Variants in SLAMF6 observed in about 807,000 individuals in gnomAD.
SLAMF6 encodes the protein SLAM family member 6.
A neutral mutation model predicts 38.3 loss-of-function variants in SLAMF6; 21 were observed. That is an observed-to-expected ratio of 0.55 (90% confidence interval 0.39 to 0.79). The LOEUF is 0.79. SLAMF6 is among the 30% of genes least tolerant of loss of function. The probability of loss-of-function intolerance (pLI) is 0.00; values close to 1 mark genes in which losing one functional copy is unlikely to be tolerated. For synonymous variants in SLAMF6, 152 were observed against 146.3 expected, an observed-to-expected ratio of 1.04 and a Z score of -0.28; for missense variants, 341 against 385.3, an observed-to-expected ratio of 0.89 and a Z score of 0.96.
At chr1:160,521,670 T>A (rs1011151437) in intron 1 of SLAMF6, among the ~76,000 whole-genome samples, 2 of 152,142 alleles carry the variant, frequency 1.3e-5, no homozygotes, top group East Asian at 1.9e-4. Context: ...TAGCCTCAGC[T>A]CTACCCCTAG....
At chr1:160,501,459 G>T (rs56027103) in intron 1 of SLAMF6, among the ~76,000 whole-genome samples, 5,948 of 152,180 alleles carry the variant, frequency 0.039, 414 homozygotes, top group African/African-American at 0.14. Context: ...CTTGAGGTCA[G>T]GGATTCTGAT....
chr1:160,497,381 G>A (rs1462132204), intron 1 of SLAMF6, among the ~76,000 whole-genome samples: 2 of 152,090 alleles, frequency 1.3e-5, no homozygotes, highest in Non-Finnish European at 2.9e-5. Flanking sequence ...GCCTTAATTA[G>A]CCTTGCATGT....
Position 160,489,101 on chromosome 1 carries a change from G to A in SLAMF6, c.866C>T (p.Thr289Ile), listed in dbSNP as rs956928638. 2 of 1,613,644 alleles carry A rather than the reference G, an allele frequency of 1.2e-6. No individual in the cohort carries two copies. The highest frequency in any genetic ancestry group is 1.7e-6 in the Non-Finnish European group (2 of 1,179,608). Reference sequence around the variant, plus strand: ...GAAAAGACTCACCCTGTTTGAATGAGTGACTGAAGCATACACAGTGTTGTT... The same window carrying A: ...GAAAAGACTCACCCTGTTTGAATGAATGACTGAAGCATACACAGTGTTGTT... ...PTNNTVYASV[T>I]HSNRETEIWT... The change falls in exon 6 of 8, where the codon ACT becomes ATT. Residue 289 changes from threonine to isoleucine, a missense_variant. Coordinates refer to ENST00000368057, the MANE Select transcript of SLAMF6 (RefSeq NM_001184714.2).
chr1:160,490,337 A>G (rs41266907), intron 4 of SLAMF6, 101 bp from the exon 5 acceptor site: 53,799 of 1,560,814 alleles, frequency 0.034, 1,102 homozygotes, highest in Admixed American at 0.082. Flanking sequence ...GGGGACCCAA[A>G]AGGAAGGGCA....
Position 160,486,707 on chromosome 1 carries a change from T to G in SLAMF6, c.999A>C (p.Ter333TyrextTer18). 1 of 1,613,760 alleles carries G rather than the reference T, an allele frequency of 6.2e-7. No individual in the cohort carries two copies. Among genetic ancestry groups the G allele is most frequent in the Non-Finnish European group, 8.5e-7 (1 of 1,179,764 alleles). Residue 333 changes from the stop codon to tyrosine, a stop_lost, in exon 8 of 8, where the codon TAA becomes TAC. Transcript: ENST00000368057. ...SRATALDNVV[*>Y] The stretch of plus-strand genomic sequence containing the variant: ...AATTCCTCTGAGGCCTTTCAGCAAC[T>G]TACACGACATTGTCAAGGGCAGTTG...
chr1:160,508,595 A>T (rs2102053063), intron 1 of SLAMF6, among the ~76,000 whole-genome samples: 1 of 152,326 alleles, frequency 6.6e-6, no homozygotes, highest in East Asian at 1.9e-4. Context: ...GGATATAGGT[A>T]TGGGCAACGA....
At chr1:160,506,740 G>A (rs1654207254) in intron 1 of SLAMF6, among the ~76,000 whole-genome samples, 1 of 152,144 alleles carries the variant, frequency 6.6e-6, no homozygotes, top group Non-Finnish European at 1.5e-5. Flanking sequence ...GCACAAAGAT[G>A]TAGTTTGTTA....
Position 160,491,234 on chromosome 1 carries a change from G to A in SLAMF6, c.537C>T (p.Leu179=), listed in dbSNP as rs1193813698. ...AAATCCTGGGGTCCCAGGAGACAGTGAGGTTTGGCTGACTTGAAAGTGTGT... is the reference window on the plus strand; with the variant it reads ...AAATCCTGGGGTCCCAGGAGACAGTAAGGTTTGGCTGACTTGAAAGTGTGT... ...LGNTLSSQPN[L]TVSWDPRISS... The change falls in exon 3 of 8, where the codon CTC becomes CTT. Residue 179 remains leucine, a synonymous_variant. Coordinates refer to ENST00000368057, the MANE Select transcript of SLAMF6 (RefSeq NM_001184714.2). 1.2e-6 allele frequency: 2 copies of A among 1,613,984 alleles called. No individual in the cohort carries two copies. The highest frequency in any genetic ancestry group is 1.7e-6 in the Non-Finnish European group (2 of 1,180,002).
chr1:160,522,643 G>A (rs1327323697), intron 1 of SLAMF6, among the ~76,000 whole-genome samples: 1 of 150,240 alleles, frequency 6.7e-6, no homozygotes, highest in Admixed American at 6.6e-5. Flanking sequence ...TTTTTGCAAT[G>A]AGCAAAAGGT....
Position 160,492,509 on chromosome 1 carries a change from A to G in SLAMF6, c.383-1121T>C, listed in dbSNP as rs1653357373. Among the ~76,000 whole-genome samples, 4 of 152,302 alleles carry G rather than the reference A, an allele frequency of 2.6e-5. No homozygotes were observed. In the South Asian group the frequency reaches 8.3e-4, roughly 32 times the overall value. On this transcript the variant is annotated intron_variant, in intron 2 of 7. Coordinates refer to ENST00000368057, the MANE Select transcript of SLAMF6 (RefSeq NM_001184714.2). ...CTCAGGTAATTTTGAGGAATAAATG[A>G]GACAGTGCCTAGTACAGGGATGGCA...
At chr1:160,491,072 C>A (rs766180433) in intron 3 of SLAMF6, 53 bp downstream of exon 3, 4 of 1,595,672 alleles carry the variant, frequency 2.5e-6, no homozygotes, top group Admixed American at 1.7e-5. Flanking sequence ...GATGTGAGGA[C>A]GCGTTAAACC....
Position 160,486,248 on chromosome 1 carries a change from A to G in SLAMF6, c.*459T>C, listed in dbSNP as rs1652956355. 1 of 153,282 alleles carries G rather than the reference A, an allele frequency of 6.5e-6. No individual in the cohort carries two copies. The highest frequency in any genetic ancestry group is 6.5e-5 in the Admixed American group (1 of 15,336). 9.5% of individuals were successfully genotyped at this position (153,282 alleles called of 1,614,324 possible). On this transcript the variant is annotated 3_prime_UTR_variant, in exon 8 of 8. Coordinates refer to ENST00000368057, the MANE Select transcript of SLAMF6 (RefSeq NM_001184714.2). ...AAACATTTCTAATCCCAAGCATTTCAGACAAGGGATGCTCAACTTGTATCA... is the reference window on the plus strand; with the variant it reads ...AAACATTTCTAATCCCAAGCATTTCGGACAAGGGATGCTCAACTTGTATCA...
chr1:160,487,288 A>G, intron 6 of SLAMF6, 113 bp from the exon 7 acceptor site: 1 of 943,960 alleles, frequency 1.1e-6, no homozygotes, highest in Non-Finnish European at 1.6e-6. Flanking sequence ...AAGTTCTTCC[A>G]GAGGAAGGCT....
chr1:160,504,017 CAA>C (rs10648306), intron 1 of SLAMF6, among the ~76,000 whole-genome samples: 2 of 86,714 alleles, frequency 2.3e-5, no homozygotes, highest in Admixed American at 1.4e-4. Flanking sequence ...GACTCTATCT[CAA>C]AAAAAAAAAA....
At position 160,520,188 on chromosome 1, in the gene SLAMF6, C is replaced by T. The variant is rs1431230948; in HGVS notation, c.49+2956G>A. 2.6e-5 allele frequency among the ~76,000 whole-genome samples: 4 copies of T among 152,266 alleles called. No homozygotes were observed. In the East Asian group the frequency reaches 7.7e-4, roughly 29 times the overall value. Reference sequence around the variant, plus strand: ...TAACACTGCTCGGGGGCCATCAGGTCACAATCTCTTCACAGAAGAGCATTG... The same window carrying T: ...TAACACTGCTCGGGGGCCATCAGGTTACAATCTCTTCACAGAAGAGCATTG... On this transcript the variant is annotated intron_variant, in intron 1 of 7. Transcript: ENST00000368057.
At chr1:160,488,294 G>C (rs1003590821) in intron 6 of SLAMF6, among the ~76,000 whole-genome samples, 4 of 152,140 alleles carry the variant, frequency 2.6e-5, no homozygotes, top group African/African-American at 9.7e-5. Flanking sequence ...CTGAGCAAGT[G>C]AGAGTACCCC....
chr1:160,507,654 C>G (rs1029305457), intron 1 of SLAMF6, among the ~76,000 whole-genome samples: 1 of 152,018 alleles, frequency 6.6e-6, no homozygotes, highest in African/African-American at 2.4e-5. Flanking sequence ...AAAAACAAGT[C>G]TCAATAAATT....
intron 1 of SLAMF6, among the ~76,000 whole-genome samples, chr1:160,511,450 T>C (rs1313362913): frequency 1.3e-5 from 2 of 151,858 alleles, no homozygotes; most frequent in African/African-American, 4.8e-5. Context: ...TTGACAAGAG[T>C]GCTAAGATCA....
intron 1 of SLAMF6, among the ~76,000 whole-genome samples, chr1:160,497,988 A>G (rs1166560482): frequency 6.6e-6 from 1 of 152,166 alleles, no homozygotes; most frequent in African/African-American, 2.4e-5. Context: ...TCCTTTGGCT[A>G]TATACCCAGT....
Sources: allele counts gnomAD v4.1 joint callset (sites outside exome capture counted in the v4.1 genomes callset), GRCh38; gene constraint gnomAD v4.1.1; transcripts MANE v1.5; gene names NCBI Gene and HGNC (gene_info 2026-07-23, HGNC 2026-07-21).